DLGAP2: variants seen among roughly 807,000 people sequenced by gnomAD.
DLGAP2 encodes the protein disks large-associated protein 2.
Under a neutral mutation model 100.3 loss-of-function variants are expected in DLGAP2, and 26 were observed. That is an observed-to-expected ratio of 0.26 (90% CI 0.19 to 0.36). The LOEUF (loss-of-function observed/expected upper bound fraction) is 0.36, where lower values mean the gene tolerates loss of function less well. Among genes scored for constraint, DLGAP2 ranks in the 10% least tolerant of loss-of-function variants. The pLI, the probability that DLGAP2 is intolerant of heterozygous loss-of-function variation, is 1.00. For missense variants in DLGAP2, 1,858 were observed against 1,453.2 expected, an observed-to-expected ratio of 1.28 and a Z score of -4.53; for synonymous variants, 886 against 630.1, an observed-to-expected ratio of 1.41 and a Z score of -6.08.
chr8:1,587,684 A>T (rs1362161251), intron 6 of DLGAP2, among the ~76,000 whole-genome samples: 1 of 152,180 alleles, frequency 6.6e-6, no homozygotes, highest in Non-Finnish European at 1.5e-5. Flanking sequence ...GTTACTATTA[A>T]AAATATAGCT....
intron 2 of DLGAP2, among the ~76,000 whole-genome samples, chr8:950,788 A>G (rs1799460393): frequency 6.6e-6 from 1 of 150,894 alleles, no homozygotes; most frequent in Non-Finnish European, 1.5e-5. Flanking sequence ...TGCCCGGCTA[A>G]TTTTTTTGTA....
intron 3 of DLGAP2, among the ~76,000 whole-genome samples, chr8:1,481,743 T>G (rs4875863): frequency 0.54 from 82,442 of 151,876 alleles, 24,071 homozygotes; most frequent in Admixed American, 0.66. Flanking sequence ...CTCCCAAAGT[T>G]CTGGGATTAC....
At chr8:807,298 C>T (rs1796288931) in intron 1 of DLGAP2, among the ~76,000 whole-genome samples, 1 of 124,428 alleles carries the variant, frequency 8.0e-6, no homozygotes, top group Non-Finnish European at 1.7e-5. Context: ...CATACGTTCT[C>T]TCTCCTCTTT....
chr8:1,469,633 A>G (rs903168260), intron 3 of DLGAP2, among the ~76,000 whole-genome samples: 6 of 152,134 alleles, frequency 3.9e-5, no homozygotes, highest in Non-Finnish European at 7.4e-5. Context: ...GAAATCACCA[A>G]TGCATCTGCC....
At chr8:1,332,247 T>C (rs1192038648) in intron 3 of DLGAP2, among the ~76,000 whole-genome samples, 1 of 152,200 alleles carries the variant, frequency 6.6e-6, no homozygotes, top group Non-Finnish European at 1.5e-5. Flanking sequence ...TATGTGAGTA[T>C]ATGCATGTGT....
chr8:1,101,688 CG>C, intron 2 of DLGAP2, among the ~76,000 whole-genome samples: 1 of 145,804 alleles, frequency 6.9e-6, no homozygotes, highest in East Asian at 2.1e-4. Context: ...CACGACACGA[CG>C]ATGGGAAGGT....
rs573321393 is a variant in DLGAP2, at chr8:746,670, T to C, written c.18+8845T>C. The stretch of plus-strand genomic sequence containing the variant: ...GTGCTGAGGTGGACAGTGGTTTTGA[T>C]TTTCTGTTTTTGTTTTTTTGCTGTA... On this transcript the variant is annotated intron_variant, in intron 1 of 14. Coordinates refer to ENST00000637795, the MANE Select transcript of DLGAP2 (RefSeq NM_001346810.2). Among the ~76,000 whole-genome samples, 15 of 152,390 alleles carry C rather than the reference T, an allele frequency of 9.8e-5. No individual in the cohort carries two copies. The South Asian group carries it at 3.1e-3, about 32-fold the overall frequency.
At chr8:1,175,174 C>G (rs550720675) in intron 2 of DLGAP2, among the ~76,000 whole-genome samples, 1 of 152,178 alleles carries the variant, frequency 6.6e-6, no homozygotes, top group South Asian at 2.1e-4. Context: ...GATGACATTT[C>G]TGCTATGGCC....
intron 2 of DLGAP2, among the ~76,000 whole-genome samples, chr8:1,140,910 G>T (rs772441984): frequency 1.3e-5 from 2 of 152,224 alleles, no homozygotes; most frequent in African/African-American, 4.8e-5. Context: ...CTTGAACCGG[G>T]GGGTGGAGGT....
intron 2 of DLGAP2, among the ~76,000 whole-genome samples, chr8:1,143,171 T>C (rs924255924): frequency 4.6e-5 from 7 of 152,166 alleles, no homozygotes; most frequent in Non-Finnish European, 1.0e-4. Context: ...TCCCAGTCTC[T>C]GCTGCTGTTC....
chr8:1,048,496 G>A (rs534151138), intron 2 of DLGAP2, among the ~76,000 whole-genome samples: 89 of 152,014 alleles, frequency 5.9e-4, no homozygotes, highest in Middle Eastern at 6.8e-3. Flanking sequence ...AAGGTGTGGG[G>A]TGGGCCCTGC....
At chr8:1,009,180 A>G (rs560808328) in intron 2 of DLGAP2, among the ~76,000 whole-genome samples, 2 of 151,924 alleles carry the variant, frequency 1.3e-5, no homozygotes, top group Non-Finnish European at 2.9e-5. Flanking sequence ...CCAATCTCCT[A>G]AGGCCCTGGA....
intron 5 of DLGAP2, among the ~76,000 whole-genome samples, chr8:1,556,465 G>T (rs1801970189): frequency 1.3e-5 from 2 of 152,160 alleles, no homozygotes. Flanking sequence ...GCGGAGTCCG[G>T]CTCTGTTCTT....
At chr8:845,167 C>T (rs1797050640) in intron 1 of DLGAP2, among the ~76,000 whole-genome samples, 1 of 152,160 alleles carries the variant, frequency 6.6e-6, no homozygotes, top group African/African-American at 2.4e-5. Flanking sequence ...CTTTATTTCT[C>T]TTGGGTATAT....
At chr8:888,768 T>C (rs1371408709) in intron 1 of DLGAP2, among the ~76,000 whole-genome samples, 2 of 152,142 alleles carry the variant, frequency 1.3e-5, no homozygotes, top group Non-Finnish European at 2.9e-5. Flanking sequence ...TTCTGGGACC[T>C]CTGACCTTGA....
intron 3 of DLGAP2, among the ~76,000 whole-genome samples, chr8:1,272,456 C>T (rs561578030): frequency 5.9e-5 from 9 of 151,834 alleles, no homozygotes; most frequent in African/African-American, 2.2e-4. Flanking sequence ...CTATATTAAA[C>T]ATTTTATATA....
chr8:778,875 C>T (rs1026204267), intron 1 of DLGAP2, among the ~76,000 whole-genome samples: 20 of 152,250 alleles, frequency 1.3e-4, no homozygotes, highest in Non-Finnish European at 2.2e-4. Context: ...CCACCCAGTT[C>T]GAGCTTCCCG....
At chr8:978,635 G>A (rs1186471895) in intron 2 of DLGAP2, among the ~76,000 whole-genome samples, 3 of 150,408 alleles carry the variant, frequency 2.0e-5, no homozygotes, top group Non-Finnish European at 4.4e-5. Flanking sequence ...AGGGCGTCGG[G>A]GATGCAGTGA....
At position 871,681 on chromosome 8, in the gene DLGAP2, T is replaced by G. The variant is rs116711488; in HGVS notation, c.19-36231T>G. ...TTTGAGACATTCAACCAGATAAGTA[T>G]AGTCCATATCTTCCAAAATATGAAA... On this transcript the variant is annotated intron_variant, in intron 1 of 14. Transcript: ENST00000637795. 5.3e-3 allele frequency among the ~76,000 whole-genome samples: 805 copies of G among 152,242 alleles called. 9 individuals are homozygous for G. The highest frequency in any genetic ancestry group is 0.018 in the African/African-American group (767 of 41,532).
Sources: allele counts gnomAD v4.1 joint callset (sites outside exome capture counted in the v4.1 genomes callset), GRCh38; gene constraint gnomAD v4.1.1; transcripts MANE v1.5; gene names NCBI Gene and HGNC (gene_info 2026-07-23, HGNC 2026-07-21).